Variants in WASF3 observed in about 807,000 individuals in gnomAD.
WASF3 encodes WASP family member 3, also known as actin-binding protein WASF3.
Under a neutral mutation model 46.6 loss-of-function variants are expected in WASF3, and 11 were observed. The observed-to-expected ratio is 0.24, with a 90% CI of 0.15 to 0.39. WASF3 has a LOEUF of 0.39. WASF3 is among the 10% of genes least tolerant of loss of function. The pLI is 1.00. For synonymous variants in WASF3, 242 were observed against 259.7 expected, an observed-to-expected ratio of 0.93 and a Z score of 0.65; for missense variants, 576 against 669.8, an observed-to-expected ratio of 0.86 and a Z score of 1.55.
Position 26,595,725 on chromosome 13 carries a change from G to A in WASF3, c.-108-17236G>A, listed in dbSNP as rs147895197. Among the ~76,000 whole-genome samples, 983 of 152,276 alleles carry A rather than the reference G, an allele frequency of 6.5e-3. 10 individuals carry two copies. The highest frequency in any genetic ancestry group is 8.2e-3 in the Admixed American group (125 of 15,300). On this transcript the variant is annotated intron_variant, in intron 1 of 9. Coordinates refer to ENST00000335327, the MANE Select transcript of WASF3 (RefSeq NM_006646.6). ...CTATTAGTTGTATCATTTTCAGAAT[G>A]TTACATACATGAAATCATACCATAT...
intron 1 of WASF3, among the ~76,000 whole-genome samples, chr13:26,596,954 C>G (rs1880486479): frequency 6.6e-6 from 1 of 152,070 alleles, no homozygotes; most frequent in Non-Finnish European, 1.5e-5. Flanking sequence ...TGTTATTTTA[C>G]TCTGATGAAA....
chr13:26,579,700 A>G (rs1879921707), intron 1 of WASF3, among the ~76,000 whole-genome samples: 1 of 152,156 alleles, frequency 6.6e-6, no homozygotes, highest in Non-Finnish European at 1.5e-5. Context: ...GTTCAGCATG[A>G]TATAGACCCT....
rs189369859 is a variant in WASF3 at position 26,645,684 on chromosome 13, A to G, written c.133+3281A>G. Among the ~76,000 whole-genome samples the G allele has an allele frequency of 3.3e-5, 5 of 152,278 alleles. No homozygotes were observed. In the East Asian group the frequency reaches 9.6e-4, roughly 29 times the overall value. ...GTCTGGCAAAATAAATAAAAATATA[A>G]ATATAAATGTGAGACAGGTGGAAAA... On this transcript the variant is annotated intron_variant, in intron 3 of 9. Transcript: ENST00000335327.
At chr13:26,554,085 TTCCTTCCTTCC>T (rs1879036027), upstream of WASF3, among the ~76,000 whole-genome samples, 4 of 115,192 alleles carry the variant, frequency 3.5e-5, no homozygotes, top group Admixed American at 9.0e-5. Context: ...CCTTCCTTCC[TTCCTTCCTTCC>T]TTCTTTCTTT....
upstream of WASF3, among the ~76,000 whole-genome samples, chr13:26,557,525 A>G (rs1437233433): frequency 6.6e-6 from 1 of 152,050 alleles, no homozygotes; most frequent in African/African-American, 2.4e-5. Flanking sequence ...GCCCCTCGGC[A>G]CCGTCGCTCA....
intron 1 of WASF3, among the ~76,000 whole-genome samples, chr13:26,591,031 G>C (rs952905904): frequency 2.6e-5 from 4 of 152,010 alleles, no homozygotes; most frequent in African/African-American, 9.7e-5. Flanking sequence ...AGCCACGCAG[G>C]TGTAGGTGGG....
intron 3 of WASF3, among the ~76,000 whole-genome samples, chr13:26,659,437 T>C (rs1238951016): frequency 2.0e-5 from 3 of 151,928 alleles, no homozygotes; most frequent in Non-Finnish European, 4.4e-5. Context: ...AGTGGTCATC[T>C]GGCCTTTAGC....
chr13:26,632,682 C>T (rs1254238124), intron 2 of WASF3, among the ~76,000 whole-genome samples: 4 of 152,062 alleles, frequency 2.6e-5, no homozygotes, highest in Non-Finnish European at 5.9e-5. Context: ...TGATGCTGGC[C>T]CCATAAAATG....
At chr13:26,546,781 C>T in the WASF3 span, among the ~76,000 whole-genome samples, 1 of 152,354 alleles carries the variant, frequency 6.6e-6, no homozygotes, top group African/African-American at 2.4e-5. Flanking sequence ...TAAACCACAT[C>T]TGTGACTGAT....
Position 26,557,756 on chromosome 13 carries a change from G to A in WASF3, c.-172G>A, listed in dbSNP as rs1288614736. 8.5e-5 allele frequency: 20 copies of A among 236,132 alleles called. No homozygotes were observed. The highest frequency in any genetic ancestry group is 1.5e-4 in the Non-Finnish European group (19 of 124,322). The allele number at this position is 236,132 out of a possible 1,614,324, so 14.6% of individuals were successfully genotyped here. Reference sequence around the variant, plus strand: ...TGCGAGGCGGGTGCGCCGGGCGGCCGCGGCGCGGCGGGACCATGGAGCTCA... The same window carrying A: ...TGCGAGGCGGGTGCGCCGGGCGGCCACGGCGCGGCGGGACCATGGAGCTCA... On this transcript the variant is annotated 5_prime_UTR_variant, in exon 1 of 10. Transcript: ENST00000335327.
At chr13:26,661,230 T>G (rs564889571) in intron 3 of WASF3, among the ~76,000 whole-genome samples, 52 of 152,336 alleles carry the variant, frequency 3.4e-4, no homozygotes, top group African/African-American at 1.2e-3. Flanking sequence ...TCCAGAATGT[T>G]GTCATCCTGC....
At chr13:26,543,674 A>G in the WASF3 span, among the ~76,000 whole-genome samples, 4 of 152,128 alleles carry the variant, frequency 2.6e-5, no homozygotes, top group Non-Finnish European at 4.4e-5. Context: ...GAACAGATCC[A>G]TTCTCATGGC....
chr13:26,539,962 A>G, the WASF3 span, among the ~76,000 whole-genome samples: 1 of 152,170 alleles, frequency 6.6e-6, no homozygotes, highest in African/African-American at 2.4e-5. Context: ...GGAAATCCCA[A>G]CCAGCAGGCG....
chr13:26,568,747 A>G (rs1185441722), intron 1 of WASF3, among the ~76,000 whole-genome samples: 1 of 152,224 alleles, frequency 6.6e-6, no homozygotes, highest in Non-Finnish European at 1.5e-5. Flanking sequence ...CATCTTTGCC[A>G]GAGAGCAGAA....
chr13:26,563,116 C>A (rs887727245), intron 1 of WASF3, among the ~76,000 whole-genome samples: 1 of 151,674 alleles, frequency 6.6e-6, no homozygotes. Context: ...GACTGTCCTC[C>A]TTTGCTGTCC....
At chr13:26,565,464 A>C (rs929591334) in intron 1 of WASF3, among the ~76,000 whole-genome samples, 8 of 152,208 alleles carry the variant, frequency 5.3e-5, no homozygotes, top group Admixed American at 5.2e-4. Context: ...AATATAGAAC[A>C]CGTCTGTTTT....
intron 6 of WASF3, among the ~76,000 whole-genome samples, chr13:26,673,997 G>A (rs1043664096): frequency 1.3e-5 from 2 of 152,154 alleles, no homozygotes; most frequent in East Asian, 1.9e-4. Context: ...ATGAGGTGGC[G>A]TGCTTCCGAA....
At chr13:26,545,167 C>A in the WASF3 span, among the ~76,000 whole-genome samples, 1 of 152,296 alleles carries the variant, frequency 6.6e-6, no homozygotes, top group East Asian at 1.9e-4. Context: ...TTGTTAGGAG[C>A]TCTGCTGCTG....
chr13:26,628,527 A>G (rs1251369850), intron 2 of WASF3, among the ~76,000 whole-genome samples: 2 of 152,218 alleles, frequency 1.3e-5, no homozygotes, highest in Non-Finnish European at 2.9e-5. Context: ...TAGGATTACA[A>G]GTTCAAGGAT....
Sources: gnomAD v4.1 joint callset for allele counts (sites outside exome capture counted in the v4.1 genomes callset) on GRCh38, gnomAD v4.1.1 for gene constraint, MANE v1.5 for transcripts, NCBI Gene and HGNC (gene_info 2026-07-23, HGNC 2026-07-21) for gene names.